TMPRSS11B: variants seen among roughly 807,000 people sequenced by gnomAD.
TMPRSS11B encodes the protein transmembrane serine protease 11B.
In TMPRSS11B, 53 loss-of-function variants were observed where a neutral mutation model predicts 44.7. The observed-to-expected ratio is 1.19, with a 90% CI of 0.95 to 1.49. TMPRSS11B has a LOEUF of 1.49. Among genes scored for constraint, TMPRSS11B ranks in the 40% most tolerant of loss-of-function variants. TMPRSS11B has a pLI of 0.00. For missense variants in TMPRSS11B, 526 were observed against 494.8 expected, an observed-to-expected ratio of 1.06 and a Z score of -0.60; for synonymous variants, 140 against 159.2, an observed-to-expected ratio of 0.88 and a Z score of 0.91.
At chr4:68,228,618 T>A in intron 9 of TMPRSS11B, 124 bp downstream of exon 9, 1 of 963,106 alleles carries the variant, frequency 1.0e-6, no homozygotes, top group Non-Finnish European at 1.5e-6. Flanking sequence ...ATTAATACAT[T>A]TTTAGTGTAT....
At chr4:68,236,117 A>C in intron 3 of TMPRSS11B, 34 bp downstream of exon 3, 4 of 1,562,554 alleles carry the variant, frequency 2.6e-6, no homozygotes, top group Non-Finnish European at 3.5e-6. Flanking sequence ...AATCAAATTT[A>C]TAATAAAATT....
rs5859126 is a variant in TMPRSS11B at position 68,238,560 on chromosome 4, T to TA, written c.125-2295dup. 6.1e-3 allele frequency among the ~76,000 whole-genome samples: 867 copies of TA among 142,048 alleles called. 6 individuals carry two copies. Among genetic ancestry groups the TA allele is most frequent in the African/African-American group, 0.018 (700 of 38,018 alleles). The allele number at this position is 142,048 out of a possible 152,430, so 93.2% of individuals were successfully genotyped here. A position where few individuals can be genotyped will look rare whatever the true frequency, so the allele number is the denominator to read the frequency against. On this transcript the variant is annotated intron_variant, in intron 2 of 9. Transcript: ENST00000332644. ...CAACATGGTGAAACCCCATCTCTAC[T>TA]AAAAAAAAAAAAAAAAATTAGCCAG...
At chr4:68,232,771 CAT>C (rs1719551504) in intron 5 of TMPRSS11B, among the ~76,000 whole-genome samples, 3 of 152,124 alleles carry the variant, frequency 2.0e-5, no homozygotes, top group Non-Finnish European at 4.4e-5. Context: ...AGGTTTGTGA[CAT>C]ATGTATACAC....
At chr4:68,237,036 C>G (rs538117983) in intron 2 of TMPRSS11B, among the ~76,000 whole-genome samples, 1 of 151,570 alleles carries the variant, frequency 6.6e-6, no homozygotes, top group African/African-American at 2.4e-5. Context: ...TTTGCTGTAC[C>G]CATCAACCTG....
rs1484030141 is a variant in TMPRSS11B, at chr4:68,226,941, AT to A, written c.*969del. 1 of 152,236 alleles carries A rather than the reference AT, an allele frequency of 6.6e-6. No homozygotes were observed. The highest frequency in any genetic ancestry group is 1.5e-5 in the Non-Finnish European group (1 of 68,052). The allele number at this position is 152,236 out of a possible 1,614,324, so 9.4% of individuals were successfully genotyped here. Reference sequence around the variant, plus strand: ...AAAGTCATTCTTTAATTCCTGACAAATTTTGGATGTCAACTCAATGAGGACA... The same window carrying A: ...AAAGTCATTCTTTAATTCCTGACAAATTTGGATGTCAACTCAATGAGGACA... On this transcript the variant is annotated 3_prime_UTR_variant, in exon 10 of 10. Coordinates refer to ENST00000332644, the MANE Select transcript of TMPRSS11B (RefSeq NM_182502.3).
intron 2 of TMPRSS11B, among the ~76,000 whole-genome samples, chr4:68,238,008 C>T (rs1366764288): frequency 6.6e-6 from 1 of 151,894 alleles, no homozygotes; most frequent in Non-Finnish European, 1.5e-5. Flanking sequence ...CAGAGTGAGA[C>T]CCTCATGTCA....
At position 68,236,186 on chromosome 4, in the gene TMPRSS11B, C is replaced by T. The variant is rs1322417854; in HGVS notation, c.205G>A (p.Ala69Thr). ...ATATCTTTGCTTAGATTTGTGCTGG[C>T]TTGTGAAGCTGCGTTTTCACAATTA... ...NDNCENAASQ[A>T]STNLSKDIET... Residue 69 changes from alanine to threonine, a missense_variant, in exon 3 of 10, where the codon GCC becomes ACC. Ala to Thr is a moderately conservative substitution (Grantham distance 58). Transcript: ENST00000332644. 1 of 1,612,308 alleles carries T rather than the reference C, an allele frequency of 6.2e-7. No homozygotes were observed. The highest frequency in any genetic ancestry group is 1.3e-5 in the African/African-American group (1 of 74,824).
chr4:68,236,296 G>A, intron 2 of TMPRSS11B, 30 bp from the exon 3 acceptor site: 1 of 1,407,766 alleles, frequency 7.1e-7, no homozygotes, highest in Non-Finnish European at 9.9e-7. Flanking sequence ...AAACCTCAAA[G>A]AATTTTAAAG....
intron 1 of TMPRSS11B, among the ~76,000 whole-genome samples, chr4:68,242,311 A>C (rs1365714064): frequency 1.3e-4 from 1 of 7,428 alleles, no homozygotes; most frequent in Non-Finnish European, 3.4e-4. Flanking sequence ...TAATATATAT[A>C]ATATTATATA....
At chr4:68,239,005 T>G (rs1719747601) in intron 2 of TMPRSS11B, among the ~76,000 whole-genome samples, 1 of 152,206 alleles carries the variant, frequency 6.6e-6, no homozygotes, top group Non-Finnish European at 1.5e-5. Flanking sequence ...ATTCCAGTTA[T>G]AATTTTACTG....
At chr4:68,232,488 C>T in intron 5 of TMPRSS11B, 72 bp from the exon 6 acceptor site, 1 of 1,397,454 alleles carries the variant, frequency 7.2e-7, no homozygotes, top group Admixed American at 1.8e-5. Flanking sequence ...AACCTAAGAA[C>T]ATAAATGCTA....
Position 68,228,005 on chromosome 4 carries a change from C to T in TMPRSS11B, c.1157G>A (p.Ser386Asn). The change falls in exon 10 of 10, where the codon AGC becomes AAC. Residue 386 changes from serine (S) to asparagine (N), a missense_variant. Coordinates refer to ENST00000332644, the MANE Select transcript of TMPRSS11B (RefSeq NM_182502.3). ...RNIWHLVGIV[S>N]WGDGCGKKNK... ...CTTTTTACCACATCCATCACCCCAG[C>T]TTACTATTCCAACAAGATGCCAGAT... 1.2e-6 allele frequency: 2 copies of T among 1,613,908 alleles called. No homozygotes were observed. The highest frequency in any genetic ancestry group is 2.2e-5 in the South Asian group (2 of 91,062).
rs759861214 is a variant in TMPRSS11B, at chr4:68,229,447, T to C, written c.756A>G (p.Lys252=). ...TTTCATGAAAAATAATGTTTTGGACTTTCCGTGTCATATATGGTTTATTTA... is the reference window on the plus strand; with the variant it reads ...TTTCATGAAAAATAATGTTTTGGACCTTCCGTGTCATATATGGTTTATTTA... ...IVVNKPYMTR[K]VQNIIFHENY... Residue 252 remains lysine (K), a synonymous_variant, in exon 8 of 10, where the codon AAA becomes AAG. Transcript: ENST00000332644. 4 of 1,613,830 alleles carry C rather than the reference T, an allele frequency of 2.5e-6. No homozygotes were observed. In the African/African-American group the frequency reaches 5.3e-5, roughly 22 times the overall value.
Position 68,231,223 on chromosome 4 carries a change from A to C in TMPRSS11B, c.666T>G (p.Ser222=). 11 of 1,610,510 alleles carry C rather than the reference A, an allele frequency of 6.8e-6. No homozygotes were observed. The highest frequency in any genetic ancestry group is 8.5e-6 in the Non-Finnish European group (10 of 1,178,988). Residue 222 remains serine, a synonymous_variant, in exon 7 of 10, where the codon TCT becomes TCG. Transcript: ENST00000332644. Reference sequence around the variant, plus strand: ...CTTACTTAGCAAAGCAGTGAGCTGCAGATAATAGCCACCTGCTGCTGATCA... The same window carrying C: ...CTTACTTAGCAAAGCAGTGAGCTGCCGATAATAGCCACCTGCTGCTGATCA... ...ASLISSRWLL[S]AAHCFAKKNN... is the part of the protein sequence containing the mutation.
intron 8 of TMPRSS11B, 148 bp downstream of exon 8, chr4:68,229,109 C>G (rs555697827): frequency 2.1e-6 from 2 of 963,118 alleles, no homozygotes; most frequent in Non-Finnish European, 3.1e-6. Context: ...GACAATTTGA[C>G]ATCATGCTTT....
In TMPRSS11B at chr4:68,232,430, A is replaced by T. The variant is rs1560441756; in HGVS notation, c.470-14T>A. 13 of 1,609,572 alleles carry T rather than the reference A, an allele frequency of 8.1e-6. No individual in the cohort carries two copies. Among genetic ancestry groups the T allele is most frequent in the Non-Finnish European group, 1.1e-5 (13 of 1,177,830 alleles). ...CCTTGCTGATTTCTGAAAGTGAAAA[A>T]CAAAACAAAATATAAAATTGAGCAA... is the stretch of plus-strand genomic sequence containing the variant. On this transcript the variant is annotated splice_polypyrimidine_tract_variant and intron_variant, in intron 5 of 9. Coordinates refer to ENST00000332644, the MANE Select transcript of TMPRSS11B (RefSeq NM_182502.3).
intron 5 of TMPRSS11B, among the ~76,000 whole-genome samples, chr4:68,233,518 AAG>A (rs1719577359): frequency 6.6e-6 from 1 of 152,074 alleles, no homozygotes; most frequent in Admixed American, 6.6e-5. Flanking sequence ...TTTCTGTGAG[AAG>A]CTTTTGGGAA....
chr4:68,238,242 C>G (rs1242229287), intron 2 of TMPRSS11B, among the ~76,000 whole-genome samples: 1 of 151,918 alleles, frequency 6.6e-6, no homozygotes. Context: ...TCCTATATTC[C>G]TATAGATTCT....
At chr4:68,240,542 C>T (rs993424849) in intron 2 of TMPRSS11B, among the ~76,000 whole-genome samples, 9 of 152,078 alleles carry the variant, frequency 5.9e-5, no homozygotes, top group African/African-American at 1.9e-4. Flanking sequence ...GGAAAGGGGA[C>T]CTGTTAAGAT....
Sources: allele counts gnomAD v4.1 joint callset (sites outside exome capture counted in the v4.1 genomes callset), GRCh38; gene constraint gnomAD v4.1.1; transcripts MANE v1.5; gene names NCBI Gene and HGNC (gene_info 2026-07-23, HGNC 2026-07-21).